Variants in ZNF804B observed in about 807,000 individuals in gnomAD.
The protein encoded by ZNF804B is zinc finger protein 804B.
ZNF804B carries 80 observed loss-of-function variants against 101.4 expected under a neutral mutation model. The ratio of observed to expected loss-of-function variants is 0.79; its 90% confidence interval spans 0.66 to 0.95. The LOEUF (loss-of-function observed/expected upper bound fraction) is 0.95. Among genes scored for constraint, ZNF804B ranks in the 40% least tolerant of loss-of-function variants. The pLI, the probability that ZNF804B is intolerant of heterozygous loss-of-function variation, is 0.00. For synonymous variants in ZNF804B, 622 were observed against 558.8 expected (o/e 1.11, Z -1.59); for missense variants, 1,673 against 1,561.9 (o/e 1.07, Z -1.20).
intron 1 of ZNF804B, among the ~76,000 whole-genome samples, chr7:89,043,518 T>G (rs1429290906): frequency 6.6e-6 from 1 of 152,194 alleles, no homozygotes; most frequent in Non-Finnish European, 1.5e-5. Context: ...TTCTGAAAGT[T>G]CCTGGAATAA....
intron 1 of ZNF804B, among the ~76,000 whole-genome samples, chr7:88,859,263 A>G (rs1791614729): frequency 6.6e-6 from 1 of 151,898 alleles, no homozygotes. Flanking sequence ...GTCTATATTT[A>G]TCTAAAAACT....
At chr7:88,969,043 A>G (rs1793496181) in intron 1 of ZNF804B, among the ~76,000 whole-genome samples, 1 of 151,572 alleles carries the variant, frequency 6.6e-6, no homozygotes, top group Non-Finnish European at 1.5e-5. Context: ...TAAAGCAGCT[A>G]ATGTTTCTCT....
chr7:88,788,569 ATTTG>A (rs1000272618), intron 1 of ZNF804B, among the ~76,000 whole-genome samples: 1 of 151,920 alleles, frequency 6.6e-6, no homozygotes, highest in Admixed American at 6.6e-5. Context: ...CATTTTCTCT[ATTTG>A]TTTATTTGTT....
At chr7:89,162,549 C>T (rs1298161158) in intron 1 of ZNF804B, among the ~76,000 whole-genome samples, 5 of 150,758 alleles carry the variant, frequency 3.3e-5, no homozygotes, top group Admixed American at 6.6e-5. Flanking sequence ...TAATTTTGTT[C>T]CTAAAGTGAA....
At chr7:89,193,048 A>C (rs559887782) in intron 1 of ZNF804B, among the ~76,000 whole-genome samples, 8 of 152,216 alleles carry the variant, frequency 5.3e-5, no homozygotes, top group African/African-American at 1.9e-4. Flanking sequence ...ATCATACTGA[A>C]TGGGCAAAAG....
At chr7:89,147,536 C>T (rs771105862) in intron 1 of ZNF804B, among the ~76,000 whole-genome samples, 1 of 151,922 alleles carries the variant, frequency 6.6e-6, no homozygotes, top group African/African-American at 2.4e-5. Context: ...ATACACAGAA[C>T]AAGAAAAAAT....
intron 1 of ZNF804B, among the ~76,000 whole-genome samples, chr7:88,849,033 T>C (rs182283722): frequency 6.6e-6 from 1 of 152,272 alleles, no homozygotes; most frequent in East Asian, 1.9e-4. Context: ...AGGAGACTAG[T>C]GAAGTTCTGC....
chr7:88,980,452 G>T (rs1457105499), intron 1 of ZNF804B, among the ~76,000 whole-genome samples: 1 of 151,952 alleles, frequency 6.6e-6, no homozygotes, highest in East Asian at 2.0e-4. Context: ...TCTTAGGAAG[G>T]TTTTCCAAAT....
chr7:88,795,182 A>C, intron 1 of ZNF804B: 1 of 345,398 alleles, frequency 2.9e-6, no homozygotes, highest in Non-Finnish European at 5.2e-6. Flanking sequence ...CAAACTATAG[A>C]CTTTTTTAAA....
At chr7:89,265,619 T>A (rs1789780815) in intron 2 of ZNF804B, among the ~76,000 whole-genome samples, 1 of 152,262 alleles carries the variant, frequency 6.6e-6, no homozygotes, top group Non-Finnish European at 1.5e-5. Flanking sequence ...AAATTCCATT[T>A]AAATTTATTT....
At chr7:89,138,958 T>G (rs113580587) in intron 1 of ZNF804B, among the ~76,000 whole-genome samples, 12,578 of 152,162 alleles carry the variant, frequency 0.083, 554 homozygotes, top group South Asian at 0.092. Flanking sequence ...GGTATGTCTT[T>G]ATTAGCAGCG....
intron 1 of ZNF804B, among the ~76,000 whole-genome samples, chr7:88,883,851 G>A (rs1396781869): frequency 6.6e-6 from 1 of 151,928 alleles, no homozygotes; most frequent in Non-Finnish European, 1.5e-5. Context: ...GCTAGTGTTG[G>A]TTACTAATTA....
intron 2 of ZNF804B, among the ~76,000 whole-genome samples, chr7:89,264,523 A>G (rs370022374): frequency 2.6e-5 from 4 of 151,888 alleles, no homozygotes; most frequent in African/African-American, 9.7e-5. Flanking sequence ...ATTGCACACC[A>G]CCCTTCAATC....
At chr7:89,294,994 T>C (rs779707143) in intron 2 of ZNF804B, among the ~76,000 whole-genome samples, 1 of 152,176 alleles carries the variant, frequency 6.6e-6, no homozygotes, top group Non-Finnish European at 1.5e-5. Context: ...AGGACTTTCA[T>C]GATACTAGTT....
intron 1 of ZNF804B, among the ~76,000 whole-genome samples, chr7:89,207,756 CA>C (rs1424801610): frequency 2.0e-5 from 3 of 152,126 alleles, no homozygotes; most frequent in African/African-American, 7.2e-5. Context: ...ATAAATCAAT[CA>C]ATCAGTCAAA....
At chr7:89,089,295 A>C (rs574590067) in intron 1 of ZNF804B, among the ~76,000 whole-genome samples, 1 of 152,030 alleles carries the variant, frequency 6.6e-6, no homozygotes, top group South Asian at 2.1e-4. Flanking sequence ...ATAATACTTC[A>C]TTATGTTGTA....
chr7:88,904,808 G>A (rs1042314239), intron 1 of ZNF804B, among the ~76,000 whole-genome samples: 1 of 152,118 alleles, frequency 6.6e-6, no homozygotes, highest in African/African-American at 2.4e-5. Flanking sequence ...TTGTATCCTG[G>A]AACATTACAA....
intron 1 of ZNF804B, among the ~76,000 whole-genome samples, chr7:89,186,982 T>C (rs2115600954): frequency 6.6e-6 from 1 of 152,278 alleles, no homozygotes; most frequent in African/African-American, 2.4e-5. Context: ...GCCTTTCTAA[T>C]CTAAATCTTT....
chr7:89,206,070 C>G (rs548775143), intron 1 of ZNF804B, among the ~76,000 whole-genome samples: 1 of 152,230 alleles, frequency 6.6e-6, no homozygotes, highest in African/African-American at 2.4e-5. Flanking sequence ...CCCTCTAAAG[C>G]CATGACCTGA....
Sources: allele counts gnomAD v4.1 joint callset (sites outside exome capture counted in the v4.1 genomes callset), GRCh38; gene constraint gnomAD v4.1.1; transcripts MANE v1.5; gene names NCBI Gene and HGNC (gene_info 2026-07-23, HGNC 2026-07-21).